ANXA8L1: variants seen among roughly 807,000 people sequenced by gnomAD.
ANXA8L1 encodes the protein annexin A8 like 1.
Under a neutral mutation model 22.5 loss-of-function variants are expected in ANXA8L1, and 10 were observed. The ratio of observed to expected loss-of-function variants is 0.44; its 90% CI spans 0.27 to 0.75. The LOEUF is 0.75. Among genes scored for constraint, ANXA8L1 ranks in the 30% least tolerant of loss-of-function variants. The pLI is 0.15. For missense variants in ANXA8L1, 88 were observed against 219.6 expected, an observed-to-expected ratio of 0.40 and a Z score of 3.79; for synonymous variants, 36 against 86.0, an observed-to-expected ratio of 0.42 and a Z score of 3.22.
chr10:46,391,159 C>A lies in ANXA8L1; in HGVS notation c.*229C>A. The A allele has an allele frequency of 2.8e-6, 1 of 359,182 alleles. No individual in the cohort carries two copies. Among genetic ancestry groups the A allele is most frequent in the Non-Finnish European group, 5.0e-6 (1 of 200,356 alleles). The allele number at this position is 359,182 out of a possible 1,614,324, so 22.2% of individuals were successfully genotyped here. A position where few individuals can be genotyped will look rare whatever the true frequency, so the allele number is the denominator to read the frequency against. On this transcript the variant is annotated 3_prime_UTR_variant, in exon 12 of 12. Transcript: ENST00000619162. ...TTTCCCAGTGTGAGCACAATGCCAA[C>A]CTTAGTGTTTCTCCAGCCAGACAGA...
Position 46,385,651 on chromosome 10 carries a change from G to A in ANXA8L1, c.647-61G>A. 1.3e-5 allele frequency: 4 copies of A among 303,758 alleles called. 1 individual carries two copies. The highest frequency in any genetic ancestry group is 3.2e-5 in the East Asian group (1 of 31,160). 18.8% of individuals were successfully genotyped at this position (303,758 alleles called of 1,614,324 possible). A position where few individuals can be genotyped will look rare whatever the true frequency, so the allele number is the denominator to read the frequency against. On this transcript the variant is annotated intron_variant, in intron 8 of 11. Transcript: ENST00000619162. ...CAAATTGATGTGCGATCTCTGATCC[G>A]AGACACTGAGGGGCATCACGAGGAG... is the stretch of plus-strand genomic sequence containing the variant.
chr10:46,389,638 C>T (rs1195092676), intron 11 of ANXA8L1, among the ~76,000 whole-genome samples: 1 of 151,052 alleles, frequency 6.6e-6, no homozygotes, highest in Non-Finnish European at 1.5e-5. Flanking sequence ...AATGTATAAA[C>T]ACTTCAAGTA....
intron 11 of ANXA8L1, among the ~76,000 whole-genome samples, chr10:46,390,207 G>A (rs1391507757): frequency 6.6e-6 from 1 of 150,828 alleles, no homozygotes; most frequent in East Asian, 1.9e-4. Flanking sequence ...CTAAGAAACA[G>A]GGCTCCTCAG....
At chr10:46,389,703 A>G (rs1292961433) in intron 11 of ANXA8L1, among the ~76,000 whole-genome samples, 5 of 151,378 alleles carry the variant, frequency 3.3e-5, no homozygotes, top group Non-Finnish European at 7.4e-5. Context: ...TCTAAAAACT[A>G]TTAGAAAAAT....
At chr10:46,385,638 C>T (rs1181922546) in intron 8 of ANXA8L1, 74 bp from the exon 9 acceptor site, 13 of 344,470 alleles carry the variant, frequency 3.8e-5, no homozygotes, top group African/African-American at 2.1e-4. Flanking sequence ...AATTGATGTG[C>T]GATCTCTGAT....
In ANXA8L1 at chr10:46,382,474, A is replaced by C; in HGVS notation, c.208-105A>C. ...ACCCAGCCAGCACGTGGCAAGGCCC[A>C]TGCAGAATCCAGCCCAAGCCCCTGG... is the stretch of plus-strand genomic sequence containing the variant. On this transcript the variant is annotated intron_variant, in intron 3 of 11. Coordinates refer to ENST00000619162, the MANE Select transcript of ANXA8L1 (RefSeq NM_001098845.3). The C allele has an allele frequency of 4.8e-6, 4 of 828,972 alleles. 1 individual carries two copies. Among genetic ancestry groups the C allele is most frequent in the Non-Finnish European group, 7.1e-6 (4 of 564,616 alleles). 51.4% of individuals were successfully genotyped at this position (828,972 alleles called of 1,614,324 possible).
At chr10:46,390,226 C>T (rs1442826177) in intron 11 of ANXA8L1, among the ~76,000 whole-genome samples, 5 of 150,610 alleles carry the variant, frequency 3.3e-5, no homozygotes, top group African/African-American at 9.9e-5. Flanking sequence ...AGTCATCGGA[C>T]CACAAGGTCA....
rs1335754037 is a variant in ANXA8L1 at position 46,381,287 on chromosome 10, G to C, written c.207+47G>C. 9 of 517,442 alleles carry C rather than the reference G, an allele frequency of 1.7e-5. 1 individual carries two copies. Among genetic ancestry groups the C allele is most frequent in the Non-Finnish European group, 3.0e-5 (9 of 300,532 alleles). 32.1% of individuals were successfully genotyped at this position (517,442 alleles called of 1,614,324 possible). On this transcript the variant is annotated intron_variant, in intron 3 of 11. Transcript: ENST00000619162. ...GTGGGGATAGGTGAGCCTTGGGGTT[G>C]GGGGTACAGCCTGGGAGGCAGCTCC...
chr10:46,390,837 C>T (rs1554975554), intron 11 of ANXA8L1, 34 bp from the exon 12 acceptor site: 1 of 1,103,522 alleles, frequency 9.1e-7, no homozygotes, highest in Non-Finnish European at 1.2e-6. Context: ...CACAAACAAA[C>T]CCCTTCTCAC....
intron 11 of ANXA8L1, among the ~76,000 whole-genome samples, chr10:46,389,350 GC>G (rs1213438681): frequency 1.6e-5 from 2 of 125,136 alleles, no homozygotes; most frequent in African/African-American, 6.5e-5. Context: ...GCACACACCA[GC>G]CTGGACTGTG....
At position 46,378,210 on chromosome 10, in the gene ANXA8L1, C is replaced by T. The variant is rs1374447503; in HGVS notation, c.22-1675C>T. ...ACAGCCTGGCCACTCGCTGGTGCACCACAGCCCCCGAGTGCTGGGGCAGAG... is the reference window on the plus strand; with the variant it reads ...ACAGCCTGGCCACTCGCTGGTGCACTACAGCCCCCGAGTGCTGGGGCAGAG... On this transcript the variant is annotated intron_variant, in intron 1 of 11. Transcript: ENST00000619162. Among the ~76,000 whole-genome samples the T allele has an allele frequency of 9.9e-4, 125 of 125,828 alleles. 7 individuals are homozygous for T. The highest frequency in any genetic ancestry group is 3.1e-3 in the African/African-American group (94 of 30,352). 82.5% of individuals were successfully genotyped at this position (125,828 alleles called of 152,430 possible). A position where few individuals can be genotyped will look rare whatever the true frequency, so the allele number is the denominator to read the frequency against.
chr10:46,384,647 C>A (rs1840012912), intron 6 of ANXA8L1, 127 bp from the exon 7 acceptor site: 4 of 1,526,110 alleles, frequency 2.6e-6, no homozygotes, highest in Non-Finnish European at 3.6e-6. Context: ...GAATAACTGG[C>A]TTGTCGAAGT....
At chr10:46,390,179 A>T (rs1840063412) in intron 11 of ANXA8L1, among the ~76,000 whole-genome samples, 1 of 150,912 alleles carries the variant, frequency 6.6e-6, no homozygotes, top group Admixed American at 6.6e-5. Flanking sequence ...AGCCAGTCCC[A>T]TCAGGACCTA....
chr10:46,389,758 T>C (rs2489761), intron 11 of ANXA8L1, among the ~76,000 whole-genome samples: 2,752 of 149,100 alleles, frequency 0.018, 69 homozygotes, highest in South Asian at 0.047. Context: ...GGCCCACACC[T>C]GTAATCCCAG....
intron 1 of ANXA8L1, among the ~76,000 whole-genome samples, chr10:46,379,092 T>C (rs1449123940): frequency 1.4e-5 from 2 of 143,746 alleles, no homozygotes; most frequent in East Asian, 2.2e-4. Flanking sequence ...GGAGGATCTC[T>C]GAGTCTCCCT....
chr10:46,384,220 C>G lies in ANXA8L1; in HGVS notation c.427C>G (p.Leu143Val). The G allele has an allele frequency of 3.8e-6, 2 of 530,900 alleles. No homozygotes were observed. Among genetic ancestry groups the G allele is most frequent in the Non-Finnish European group, 5.8e-6 (2 of 345,734 alleles). The allele number at this position is 530,900 out of a possible 1,614,324, so 32.9% of individuals were successfully genotyped here. Residue 143 changes from leucine (L) to valine (V), a missense_variant, in exon 6 of 12, where the codon CTG becomes GTG. Coordinates refer to ENST00000619162, the MANE Select transcript of ANXA8L1 (RefSeq NM_001098845.3). ...TTTCCCTGCAGACTATGGGTCCAGC[C>G]TGGAGGAGGACATCCAAGCAGACAC... is the stretch of plus-strand genomic sequence containing the variant. ...KAYEEDYGSSLEEDIQADTSG... is the reference protein window; with the variant it reads ...KAYEEDYGSSVEEDIQADTSG...
At position 46,375,834 on chromosome 10, in the gene ANXA8L1, G is replaced by A; in HGVS notation, c.-18G>A. The A allele has an allele frequency of 1.9e-6, 3 of 1,607,560 alleles. No individual in the cohort carries two copies. The highest frequency in any genetic ancestry group is 1.7e-6 in the Non-Finnish European group (2 of 1,178,688). On this transcript the variant is annotated 5_prime_UTR_variant, in exon 1 of 12. Transcript: ENST00000619162. Reference sequence around the variant, plus strand: ...GTCTCTTCATCTCCGTGAGAAAGGTGCCCCCGAAGTGAAAGAGATGGCCTG... The same window carrying A: ...GTCTCTTCATCTCCGTGAGAAAGGTACCCCCGAAGTGAAAGAGATGGCCTG...
rs1840016922 is a variant in ANXA8L1, at chr10:46,384,837, A to C, written c.552+4A>C. On this transcript the variant is annotated splice_donor_region_variant and intron_variant, in intron 7 of 11. Coordinates refer to ENST00000619162, the MANE Select transcript of ANXA8L1 (RefSeq NM_001098845.3). ...ACTGGCCCTCCAAGACGCACAGGTGAGGCTGCGCCCAGCCGGCCATGTGGC... is the reference window on the plus strand; with the variant it reads ...ACTGGCCCTCCAAGACGCACAGGTGCGGCTGCGCCCAGCCGGCCATGTGGC... 3.1e-6 allele frequency: 5 copies of C among 1,612,596 alleles called. No homozygotes were observed. The South Asian group carries it at 5.5e-5, about 18-fold the overall frequency.
At chr10:46,383,628 C>A in intron 5 of ANXA8L1, 82 bp downstream of exon 5, 1 of 376,838 alleles carries the variant, frequency 2.7e-6, no homozygotes, top group South Asian at 2.2e-5. Flanking sequence ...CAAGAATTAA[C>A]CTGGGCCACA....
Sources: gnomAD v4.1 joint callset for allele counts (sites outside exome capture counted in the v4.1 genomes callset) on GRCh38, gnomAD v4.1.1 for gene constraint, MANE v1.5 for transcripts, NCBI Gene and HGNC (gene_info 2026-07-23, HGNC 2026-07-21) for gene names.